Variants in SLC29A4 observed in about 807,000 individuals in gnomAD.
SLC29A4 encodes the protein solute carrier family 29 member 4.
In SLC29A4, 36 loss-of-function variants were observed where a neutral mutation model predicts 43.9. The ratio of observed to expected loss-of-function variants is 0.82; its 90% CI spans 0.63 to 1.08. SLC29A4 has a LOEUF of 1.08. SLC29A4 is among the 50% of genes least tolerant of loss of function. The pLI is 0.00. For missense variants in SLC29A4, 869 were observed against 755.3 expected, an observed-to-expected ratio of 1.15 and a Z score of -1.77; for synonymous variants, 491 against 338.0, an observed-to-expected ratio of 1.45 and a Z score of -4.97.
At chr7:5,283,251 C>T (rs1156257649) in intron 1 of SLC29A4, among the ~76,000 whole-genome samples, 169 bp downstream of exon 1, 1 of 149,494 alleles carries the variant, frequency 6.7e-6, no homozygotes, top group Non-Finnish European at 1.5e-5. Context: ...GCGTCCTGAG[C>T]GGCCCAGCCC....
chr7:5,297,613 G>A (rs547644495), intron 7 of SLC29A4, among the ~76,000 whole-genome samples: 5 of 152,366 alleles, frequency 3.3e-5, no homozygotes, highest in Non-Finnish European at 7.3e-5. Flanking sequence ...TGCAGGCTCA[G>A]CCTGGCAGCA....
rs186191471 is a variant in SLC29A4 at position 5,300,995 on chromosome 7, G to A, written c.1450+333G>A. Among the ~76,000 whole-genome samples, 850 of 152,234 alleles carry A rather than the reference G, an allele frequency of 5.6e-3. 6 individuals are homozygous for A. Among genetic ancestry groups the A allele is most frequent in the Non-Finnish European group, 7.8e-3 (529 of 68,020 alleles). Reference sequence around the variant, plus strand: ...CAGCCCAGGCCGGGCACAGTGGCTCGTACCTGCAATCCCAGCACTTTGGAA... The same window carrying A: ...CAGCCCAGGCCGGGCACAGTGGCTCATACCTGCAATCCCAGCACTTTGGAA... On this transcript the variant is annotated intron_variant, in intron 10 of 10. Transcript: ENST00000396872.
Position 5,303,559 on chromosome 7 carries a change from C to T in SLC29A4, c.*620C>T, listed in dbSNP as rs1426263777. The stretch of plus-strand genomic sequence containing the variant: ...GGACCCGCCTGCGGTCTGCATCAGC[C>T]TCTGGGAAACCACAGCAGTGATGCC... On this transcript the variant is annotated 3_prime_UTR_variant, in exon 11 of 11. Coordinates refer to ENST00000396872, the MANE Select transcript of SLC29A4 (RefSeq NM_153247.4). 6.5e-6 allele frequency: 1 copy of T among 153,532 alleles called. No individual in the cohort carries two copies. Among genetic ancestry groups the T allele is most frequent in the Admixed American group, 6.5e-5 (1 of 15,338 alleles). The allele number at this position is 153,532 out of a possible 1,614,324, so 9.5% of individuals were successfully genotyped here. A position where few individuals can be genotyped will look rare whatever the true frequency, so the allele number is the denominator to read the frequency against.
intron 6 of SLC29A4, among the ~76,000 whole-genome samples, chr7:5,296,006 G>GA (rs1172785118): frequency 6.6e-6 from 1 of 152,056 alleles, no homozygotes; most frequent in Non-Finnish European, 1.5e-5. Context: ...GTCACGCGAA[G>GA]AAAAAACCCA....
At chr7:5,284,032 A>ACCCCCCCCCCCC (rs79051188) in intron 1 of SLC29A4, among the ~76,000 whole-genome samples, 19 of 72,330 alleles carry the variant, frequency 2.6e-4, no homozygotes, top group African/African-American at 5.0e-4. Context: ...GAGCTGCACG[A>ACCCCCCCCCCCC]CCCCCCCCCC....
intron 2 of SLC29A4, 45 bp from the exon 3 acceptor site, chr7:5,290,687 C>T (rs765209670): frequency 6.3e-7 from 1 of 1,575,062 alleles, no homozygotes; most frequent in Non-Finnish European, 8.7e-7. Flanking sequence ...TGACTGTAGC[C>T]ATGCGTGGAG....
At chr7:5,284,032 ACC>A (rs79051188) in intron 1 of SLC29A4, among the ~76,000 whole-genome samples, 11,889 of 72,396 alleles carry the variant, frequency 0.16, 811 homozygotes, top group Middle Eastern at 0.2. Flanking sequence ...GAGCTGCACG[ACC>A]CCCCCCCCCA....
intron 1 of SLC29A4, among the ~76,000 whole-genome samples, chr7:5,285,561 G>A (rs1259279249): frequency 2.0e-5 from 3 of 152,264 alleles, no homozygotes; most frequent in Admixed American, 1.3e-4. Context: ...TGAGCTAGAA[G>A]AGGGGGACAT....
At chr7:5,297,667 G>T (rs1200612230) in intron 7 of SLC29A4, among the ~76,000 whole-genome samples, 4 of 152,186 alleles carry the variant, frequency 2.6e-5, no homozygotes, top group Admixed American at 6.5e-5. Flanking sequence ...GAGTCGGGAC[G>T]CCAGGAGGGA....
chr7:5,299,968 C>T (rs188274520), intron 9 of SLC29A4, among the ~76,000 whole-genome samples: 2 of 152,316 alleles, frequency 1.3e-5, no homozygotes, highest in African/African-American at 2.4e-5. Flanking sequence ...AGGAGAATCG[C>T]TTGAACCCAG....
chr7:5,299,149 T>C, intron 8 of SLC29A4, 23 bp downstream of exon 8: 1 of 1,602,986 alleles, frequency 6.2e-7, no homozygotes, highest in Non-Finnish European at 8.5e-7. Flanking sequence ...AGTCCTCTGC[T>C]GCCCTGGCTC....
chr7:5,291,874 C>G, intron 5 of SLC29A4, 53 bp downstream of exon 5: 1 of 1,565,916 alleles, frequency 6.4e-7, no homozygotes, highest in South Asian at 1.2e-5. Flanking sequence ...CCGACCCCAT[C>G]CCACCCCAGC....
In SLC29A4 at chr7:5,306,168, T is replaced by A. The variant is rs2128094937; in HGVS notation, c.*3229T>A. ...CCATCCAACTTAACTTTTAATTTTT[T>A]CTCATGTAAATTTGTTCAATTTCTT... On this transcript the variant is annotated 3_prime_UTR_variant, in exon 11 of 11. Coordinates refer to ENST00000396872, the MANE Select transcript of SLC29A4 (RefSeq NM_153247.4). 6.6e-6 allele frequency: 1 copy of A among 151,386 alleles called. No individual in the cohort carries two copies. Among genetic ancestry groups the A allele is most frequent in the Non-Finnish European group, 1.5e-5 (1 of 67,886 alleles). 9.4% of individuals were successfully genotyped at this position (151,386 alleles called of 1,614,324 possible).
At chr7:5,295,114 G>A (rs1785562603) in intron 6 of SLC29A4, among the ~76,000 whole-genome samples, 180 bp downstream of exon 6, 1 of 152,100 alleles carries the variant, frequency 6.6e-6, no homozygotes, top group Admixed American at 6.5e-5. Flanking sequence ...TAGAAAAGGG[G>A]TGCACTCCCA....
In SLC29A4 at chr7:5,305,421, T is replaced by G. The variant is rs912496121; in HGVS notation, c.*2482T>G. 3.3e-5 allele frequency: 5 copies of G among 152,350 alleles called. No homozygotes were observed. The highest frequency in any genetic ancestry group is 1.2e-4 in the African/African-American group (5 of 41,476). The allele number at this position is 152,350 out of a possible 1,614,324, so 9.4% of individuals were successfully genotyped here. ...GTCACTGGGCAGCCAGACCCCCACCTATAGCTTCCCTAGGCCCCAGTGCAG... is the reference window on the plus strand; with the variant it reads ...GTCACTGGGCAGCCAGACCCCCACCGATAGCTTCCCTAGGCCCCAGTGCAG... On this transcript the variant is annotated 3_prime_UTR_variant, in exon 11 of 11. Transcript: ENST00000396872.
At chr7:5,295,903 C>T (rs1785619182) in intron 6 of SLC29A4, among the ~76,000 whole-genome samples, 1 of 152,072 alleles carries the variant, frequency 6.6e-6, no homozygotes, top group Non-Finnish European at 1.5e-5. Flanking sequence ...GCAGAAAAGA[C>T]ATGCTCAGAG....
chr7:5,287,703 A>G, intron 1 of SLC29A4, 106 bp from the exon 2 acceptor site: 3 of 1,189,552 alleles, frequency 2.5e-6, no homozygotes, highest in East Asian at 2.6e-5. Context: ...GAGTGTGACC[A>G]AAGTGACATG....
In SLC29A4 at chr7:5,306,649, A is replaced by G. The variant is rs930659871; in HGVS notation, c.*3710A>G. 1 of 152,048 alleles carries G rather than the reference A, an allele frequency of 6.6e-6. No homozygotes were observed. Among genetic ancestry groups the G allele is most frequent in the Non-Finnish European group, 1.5e-5 (1 of 68,022 alleles). 9.4% of individuals were successfully genotyped at this position (152,048 alleles called of 1,614,324 possible). Reference sequence around the variant, plus strand: ...GTGCCCAGCCGATGAGCTCATTTAGATGGCTGCATGGGGTCACCGCCCCTG... The same window carrying G: ...GTGCCCAGCCGATGAGCTCATTTAGGTGGCTGCATGGGGTCACCGCCCCTG... On this transcript the variant is annotated 3_prime_UTR_variant, in exon 11 of 11. Transcript: ENST00000396872.
chr7:5,287,674 A>G (rs1402167803), intron 1 of SLC29A4, 135 bp from the exon 2 acceptor site: 32 of 845,240 alleles, frequency 3.8e-5, no homozygotes, highest in Non-Finnish European at 1.1e-5. Flanking sequence ...GCAGTGAGGC[A>G]TAGCTTGCTT....
Sources: gnomAD v4.1 joint callset for allele counts (sites outside exome capture counted in the v4.1 genomes callset) on GRCh38, gnomAD v4.1.1 for gene constraint, MANE v1.5 for transcripts, NCBI Gene and HGNC (gene_info 2026-07-23, HGNC 2026-07-21) for gene names.